Variants in BLVRA observed in about 807,000 individuals in gnomAD.
BLVRA encodes BVR A.
BLVRA carries 22 observed loss-of-function variants against 32.8 expected under a neutral mutation model. The ratio of observed to expected loss-of-function variants is 0.67; its 90% confidence interval spans 0.48 to 0.96. The LOEUF (loss-of-function observed/expected upper bound fraction) is 0.96. Among genes scored for constraint, BLVRA ranks in the 40% least tolerant of loss-of-function variants. The probability of loss-of-function intolerance (pLI) is 0.00; values close to 1 mark genes in which losing one functional copy is unlikely to be tolerated. For missense variants in BLVRA, 323 were observed against 358.1 expected (o/e 0.90, Z 0.79); for synonymous variants, 119 against 141.3 (o/e 0.84, Z 1.12).
intron 2 of BLVRA, among the ~76,000 whole-genome samples, chr7:43,773,048 C>A (rs1419939803): frequency 6.6e-6 from 1 of 152,152 alleles, no homozygotes. Context: ...TCTTTCTCAT[C>A]GATATTTCAA....
intron 1 of BLVRA, among the ~76,000 whole-genome samples, chr7:43,766,336 GTATC>G (rs1563535270): frequency 2.0e-5 from 3 of 149,996 alleles, no homozygotes; most frequent in African/African-American, 7.3e-5. Flanking sequence ...AAATAAAAAT[GTATC>G]TATTTAATAT....
Position 43,787,864 on chromosome 7 carries a change from A to G in BLVRA, c.13-40A>G, listed in dbSNP as rs2095779748. On this transcript the variant is annotated intron_variant, in intron 2 of 7. Coordinates refer to ENST00000265523, the MANE Select transcript of BLVRA (RefSeq NM_000712.4). This position sits in a 1 kb window ranked among gnomAD's most constrained non-coding sequence, Gnocchi z 4.5. ...TTTTGTAGTTTTCTGCTCGATGCCT[A>G]CAGTGTTTTCAGACTCCACCTTGGT... 1 of 1,613,926 alleles carries G rather than the reference A, an allele frequency of 6.2e-7. No individual in the cohort carries two copies. Among genetic ancestry groups the G allele is most frequent in the Non-Finnish European group, 8.5e-7 (1 of 1,179,972 alleles).
chr7:43,800,638 T>C, intron 6 of BLVRA, 66 bp downstream of exon 6: 1 of 1,397,906 alleles, frequency 7.2e-7, no homozygotes, highest in Non-Finnish European at 1.0e-6. Flanking sequence ...CTTTCCTGGC[T>C]CTCTGGGATG....
At chr7:43,799,047 G>A (rs1035214715) in intron 5 of BLVRA, among the ~76,000 whole-genome samples, 4 of 152,186 alleles carry the variant, frequency 2.6e-5, no homozygotes, top group Non-Finnish European at 4.4e-5. Context: ...AAAGCATTTT[G>A]TGCCATTTAG....
rs2095787535 is a variant in BLVRA, at chr7:43,792,729, C to T, written c.269C>T (p.Ala90Val). ...GTTTACCAAAGGCAGTTCCTTAATGCTGGCAAGCACGTCCTTGTGGAATAC... is the reference window on the plus strand; with the variant it reads ...GTTTACCAAAGGCAGTTCCTTAATGTTGGCAAGCACGTCCTTGTGGAATAC... The part of the protein sequence containing the change: ...HEDYIRQFLN[A>V]GKHVLVEYPM... Residue 90 changes from alanine (A) to valine (V), a missense_variant, in exon 5 of 8, where the codon GCT becomes GTT. Coordinates refer to ENST00000265523, the MANE Select transcript of BLVRA (RefSeq NM_000712.4). The T allele has an allele frequency of 6.2e-7, 1 of 1,614,038 alleles. No individual in the cohort carries two copies. The highest frequency in any genetic ancestry group is 1.7e-5 in the Admixed American group (1 of 60,006).
chr7:43,799,658 G>A (rs930575754), intron 5 of BLVRA, among the ~76,000 whole-genome samples: 1 of 151,960 alleles, frequency 6.6e-6, no homozygotes, highest in Non-Finnish European at 1.5e-5. Context: ...ATTTTTTGTA[G>A]AGGCCAGGTT....
chr7:43,801,282 C>T lies in BLVRA; in HGVS notation c.460+710C>T, dbSNP rs17239657. ...AAGTGCTGGGATTACAGGCATGAGC[C>T]ACCGTGCCCAGCTGACCACAGTATC... is the stretch of plus-strand genomic sequence containing the variant. On this transcript the variant is annotated intron_variant, in intron 6 of 7. Transcript: ENST00000265523. Among the ~76,000 whole-genome samples, 432 of 152,318 alleles carry T rather than the reference C, an allele frequency of 2.8e-3. 1 individual carries two copies. Among genetic ancestry groups the T allele is most frequent in the African/African-American group, 9.7e-3 (405 of 41,566 alleles).
At chr7:43,779,386 G>A (rs1303880441) in intron 2 of BLVRA, among the ~76,000 whole-genome samples, 2 of 152,238 alleles carry the variant, frequency 1.3e-5, no homozygotes, top group Non-Finnish European at 2.9e-5. Context: ...TTCTCAGCCT[G>A]TTGCAGTCTG....
chr7:43,802,819 C>T (rs1445067965), intron 6 of BLVRA, among the ~76,000 whole-genome samples: 1 of 152,138 alleles, frequency 6.6e-6, no homozygotes, highest in Non-Finnish European at 1.5e-5. Flanking sequence ...CTTACTGCAA[C>T]CTCTGCCTCC....
intron 2 of BLVRA, among the ~76,000 whole-genome samples, chr7:43,784,134 C>T (rs1449383731): frequency 6.6e-6 from 1 of 152,168 alleles, no homozygotes. Flanking sequence ...CTTATGTGTC[C>T]TTTTCTGCTG....
In BLVRA at chr7:43,787,818, G is replaced by A. The variant is rs2095779669; in HGVS notation, c.13-86G>A. On this transcript the variant is annotated intron_variant, in intron 2 of 7. Coordinates refer to ENST00000265523, the MANE Select transcript of BLVRA (RefSeq NM_000712.4). The surrounding 1 kb of genome is among the most constrained non-coding windows in gnomAD (Gnocchi z 4.5). ...TGGGCTGGCTTCCATCTTGCTCGTC[G>A]GGACCCTGCCAGCTCCTTTGTTTTG... is the stretch of plus-strand genomic sequence containing the variant. The A allele has an allele frequency of 9.3e-6, 15 of 1,607,494 alleles. No individual in the cohort carries two copies. Among genetic ancestry groups the A allele is most frequent in the African/African-American group, 1.3e-5 (1 of 74,838 alleles).
At chr7:43,799,254 T>G (rs143051332) in intron 5 of BLVRA, among the ~76,000 whole-genome samples, 1 of 152,286 alleles carries the variant, frequency 6.6e-6, no homozygotes, top group East Asian at 1.9e-4. Context: ...GTATTTGCTG[T>G]GATGCTGGGT....
chr7:43,789,265 C>G lies in BLVRA; in HGVS notation c.134+1240C>G, dbSNP rs540536188. On this transcript the variant is annotated intron_variant, in intron 3 of 7. Coordinates refer to ENST00000265523, the MANE Select transcript of BLVRA (RefSeq NM_000712.4). ...TAGAGACATCAGATAAATATTTACA[C>G]AAAGCATAAGTAACAATTGTGATAG... 2.0e-5 allele frequency among the ~76,000 whole-genome samples: 3 copies of G among 152,294 alleles called. No homozygotes were observed. The East Asian group carries it at 5.8e-4, about 29-fold the overall frequency.
At chr7:43,778,860 A>G (rs1019809219) in intron 2 of BLVRA, among the ~76,000 whole-genome samples, 2 of 152,200 alleles carry the variant, frequency 1.3e-5, no homozygotes, top group African/African-American at 2.4e-5. Context: ...GGGCAATGGC[A>G]GGCGCCCCTC....
At chr7:43,797,331 G>A (rs1047902108) in intron 5 of BLVRA, among the ~76,000 whole-genome samples, 6 of 152,188 alleles carry the variant, frequency 3.9e-5, no homozygotes, top group African/African-American at 9.6e-5. Context: ...CAAGTGATCC[G>A]CCTGCCTGAG....
chr7:43,774,005 ATTTG>A (rs1298977035), intron 2 of BLVRA, among the ~76,000 whole-genome samples: 2 of 151,892 alleles, frequency 1.3e-5, no homozygotes, highest in Non-Finnish European at 2.9e-5. Context: ...TTTCTTGTAA[ATTTG>A]TTTGAGTTCA....
At chr7:43,795,674 C>T (rs185846430) in intron 5 of BLVRA, among the ~76,000 whole-genome samples, 4 of 150,610 alleles carry the variant, frequency 2.7e-5, no homozygotes, top group Admixed American at 6.6e-5. Flanking sequence ...CAAACTCAAT[C>T]GAAAATTAGC....
chr7:43,807,110 A>G lies in BLVRA; in HGVS notation c.766A>G (p.Asn256Asp), dbSNP rs1249375635. 6.2e-7 allele frequency: 1 copy of G among 1,614,196 alleles called. No homozygotes were observed. The highest frequency in any genetic ancestry group is 2.2e-5 in the East Asian group (1 of 44,880). The change falls in exon 8 of 8, where the codon AAT becomes GAT. Residue 256 changes from asparagine (N) to aspartate (D), a missense_variant. Coordinates refer to ENST00000265523, the MANE Select transcript of BLVRA (RefSeq NM_000712.4). ...TAAGAACATATTTCTGAAAGATCAA[A>G]ATATATTTGTCCAGAAACTCTTGGG... ...VNKNIFLKDQ[N>D]IFVQKLLGQF... is the part of the protein sequence containing the mutation.
At chr7:43,761,184 A>G (rs1446602125) in intron 1 of BLVRA, among the ~76,000 whole-genome samples, 1 of 152,254 alleles carries the variant, frequency 6.6e-6, no homozygotes, top group Non-Finnish European at 1.5e-5. Flanking sequence ...ATACACACTG[A>G]TATTTCCAAA....
Sources: allele counts gnomAD v4.1 joint callset (sites outside exome capture counted in the v4.1 genomes callset), GRCh38; gene constraint gnomAD v4.1.1; non-coding constraint Gnocchi (gnomAD v3.1); transcripts MANE v1.5; gene names NCBI Gene and HGNC (gene_info 2026-07-23, HGNC 2026-07-21).